The following GRAMD4 variants were observed in gnomAD, a reference collection of about 807,000 sequenced individuals.
GRAMD4 encodes GRAM domain-containing protein 4.
A neutral mutation model predicts 83.9 loss-of-function variants in GRAMD4; 25 were observed. The observed-to-expected ratio is 0.30, with a 90% CI of 0.22 to 0.42. The LOEUF is 0.42. Ranked by LOEUF, GRAMD4 falls within the 10% of genes least tolerant of loss-of-function variation. The pLI is 1.00. For missense variants in GRAMD4, 593 were observed against 788.7 expected (o/e 0.75, Z 2.97); for synonymous variants, 336 against 320.9 (o/e 1.05, Z -0.50).
At chr22:46,663,317 T>A in intron 6 of GRAMD4, 145 bp downstream of exon 6, 1 of 801,048 alleles carries the variant, frequency 1.2e-6, no homozygotes, top group Non-Finnish European at 2.0e-6. Flanking sequence ...CCGCTGTGTC[T>A]GGTCTTCTGG....
At chr22:46,669,984 C>G (rs1016972964) in intron 13 of GRAMD4, among the ~76,000 whole-genome samples, 2 of 152,202 alleles carry the variant, frequency 1.3e-5, no homozygotes, top group Middle Eastern at 3.2e-3. Flanking sequence ...CATGTGGGAG[C>G]GAGGCCGCCA....
intron 1 of GRAMD4, among the ~76,000 whole-genome samples, chr22:46,610,578 T>C (rs1411824775): frequency 6.6e-6 from 1 of 152,238 alleles, no homozygotes; most frequent in Non-Finnish European, 1.5e-5. Context: ...CCCTGTGCCT[T>C]CGCGATATTG....
In GRAMD4 at chr22:46,673,818, T is replaced by G. The variant is rs372768730; in HGVS notation, c.1384+4T>G. 1.2e-6 allele frequency: 2 copies of G among 1,612,632 alleles called. No individual in the cohort carries two copies. Among genetic ancestry groups the G allele is most frequent in the East Asian group, 2.2e-5 (1 of 44,874 alleles). ...GAAAACGAGCGTCCGCTGGCGGGTA[T>G]GTGTGCCGTGAGTCTGAGGCCAGGC... On this transcript the variant is annotated splice_donor_region_variant and intron_variant, in intron 15 of 18. Transcript: ENST00000406902.
At chr22:46,645,831 G>A (rs1001048130) in intron 3 of GRAMD4, among the ~76,000 whole-genome samples, 1 of 152,176 alleles carries the variant, frequency 6.6e-6, no homozygotes, top group Non-Finnish European at 1.5e-5. Flanking sequence ...AATGCATTTC[G>A]GTTGCTAGTG....
chr22:46,616,905 T>TGC (rs2081508410), upstream of GRAMD4, among the ~76,000 whole-genome samples: 1 of 30,120 alleles, frequency 3.3e-5, no homozygotes, highest in Non-Finnish European at 7.2e-5. Flanking sequence ...GTTTCCCCCG[T>TGC]GTGTAGGTTC....
chr22:46,613,630 G>A (rs1471850360), intron 1 of GRAMD4, among the ~76,000 whole-genome samples: 1 of 152,202 alleles, frequency 6.6e-6, no homozygotes. Flanking sequence ...GCATCGCTTG[G>A]GCAGCATCCT....
chr22:46,578,484 G>A (rs2081066625), intron 1 of GRAMD4, among the ~76,000 whole-genome samples: 1 of 152,204 alleles, frequency 6.6e-6, no homozygotes, highest in East Asian at 1.9e-4. Flanking sequence ...ATGGGGTGAT[G>A]TGGGCCTCCT....
At chr22:46,629,121 C>T (rs776881509) in intron 2 of GRAMD4, among the ~76,000 whole-genome samples, 16 of 152,190 alleles carry the variant, frequency 1.1e-4, no homozygotes, top group East Asian at 1.9e-4. Flanking sequence ...GGGACTCGGA[C>T]GTCTGGAAAC....
At position 46,593,310 on chromosome 22, in the gene GRAMD4, C is replaced by T. The variant is rs202143619; in HGVS notation, c.-50+16020C>T. Among the ~76,000 whole-genome samples the T allele has an allele frequency of 3.3e-5, 5 of 152,068 alleles. No homozygotes were observed. The East Asian group carries it at 9.7e-4, about 29-fold the overall frequency. On this transcript the variant is annotated intron_variant, in intron 1 of 1. Transcript: ENST00000431155. Reference sequence around the variant, plus strand: ...CTCACATCAAGCAGAAGCTTCCTTGCGGGCGGCCCTTGTTGCAGGCGGTCT... The same window carrying T: ...CTCACATCAAGCAGAAGCTTCCTTGTGGGCGGCCCTTGTTGCAGGCGGTCT...
chr22:46,651,065 A>G (rs2147290848), intron 3 of GRAMD4, among the ~76,000 whole-genome samples: 1 of 152,294 alleles, frequency 6.6e-6, no homozygotes, highest in East Asian at 1.9e-4. Flanking sequence ...CCTGTGTGCC[A>G]CGTACCCGGG....
intron 3 of GRAMD4, among the ~76,000 whole-genome samples, chr22:46,640,791 G>T (rs1043146280): frequency 6.6e-6 from 1 of 151,926 alleles, no homozygotes; most frequent in Non-Finnish European, 1.5e-5. Flanking sequence ...TCCCCGACAC[G>T]CCCTCTCCCT....
In GRAMD4 at chr22:46,622,321, C is replaced by CT. The variant is rs2081587201; in HGVS notation, c.-50+1757dup. Reference sequence around the variant, plus strand: ...GCCAGCTCGGTGCCCTACACAGGGCCTGCAGGCCCCAGCGCCCGGGTCATC... The same window carrying CT: ...GCCAGCTCGGTGCCCTACACAGGGCCTTGCAGGCCCCAGCGCCCGGGTCATC... On this transcript the variant is annotated intron_variant, in intron 1 of 18. Transcript: ENST00000406902. This position sits in a 1 kb window ranked among gnomAD's most constrained non-coding sequence, Gnocchi z 4.0. Among the ~76,000 whole-genome samples the CT allele has an allele frequency of 6.6e-6, 1 of 152,202 alleles. No homozygotes were observed. Among genetic ancestry groups the CT allele is most frequent in the Non-Finnish European group, 1.5e-5 (1 of 68,032 alleles).
intron 1 of GRAMD4, among the ~76,000 whole-genome samples, chr22:46,584,793 C>T (rs2081132276): frequency 6.6e-6 from 1 of 152,222 alleles, no homozygotes; most frequent in African/African-American, 2.4e-5. Context: ...CAGCCCGGCC[C>T]CGCAGGGACG....
chr22:46,677,001 G>T (rs1012069816), intron 18 of GRAMD4, 146 bp from the exon 19 acceptor site: 58 of 883,742 alleles, frequency 6.6e-5, no homozygotes, highest in Non-Finnish European at 7.9e-5. Context: ...GCCTGGCTCC[G>T]GGTGGTGGGG....
intron 1 of GRAMD4, among the ~76,000 whole-genome samples, chr22:46,623,172 G>A (rs1040954274): frequency 3.3e-5 from 5 of 151,968 alleles, no homozygotes; most frequent in Admixed American, 1.3e-4. Context: ...TTACAAGGAC[G>A]GGGTCCTGTG....
chr22:46,677,064 C>A, intron 18 of GRAMD4, 83 bp from the exon 19 acceptor site: 1 of 1,525,828 alleles, frequency 6.6e-7, no homozygotes, highest in Non-Finnish European at 9.0e-7. Flanking sequence ...TGGCCTGGGG[C>A]TGGTGTTGGA....
upstream of GRAMD4, among the ~76,000 whole-genome samples, chr22:46,619,700 T>G (rs1023418283): frequency 1.3e-5 from 2 of 152,196 alleles, no homozygotes; most frequent in Non-Finnish European, 2.9e-5. Context: ...CCTCACGTCC[T>G]CTTCAGCTGC....
chr22:46,669,380 C>T (rs555229058), intron 13 of GRAMD4, among the ~76,000 whole-genome samples: 32 of 147,760 alleles, frequency 2.2e-4, no homozygotes, highest in African/African-American at 5.2e-4. Context: ...GAGCTGGCGG[C>T]GGGGAAGGAG....
chr22:46,648,727 CATGG>C (rs1337896100), intron 3 of GRAMD4, among the ~76,000 whole-genome samples: 5 of 59,758 alleles, frequency 8.4e-5, no homozygotes, highest in Non-Finnish European at 1.4e-4. Context: ...TGGATGGATG[CATGG>C]ATGGATGGAT....
Sources: allele counts gnomAD v4.1 joint callset (sites outside exome capture counted in the v4.1 genomes callset), GRCh38; gene constraint gnomAD v4.1.1; non-coding constraint Gnocchi (gnomAD v3.1); transcripts MANE v1.5; gene names NCBI Gene and HGNC (gene_info 2026-07-23, HGNC 2026-07-21).